PRIM2: variants seen among roughly 807,000 people sequenced by gnomAD.
PRIM2 encodes DNA primase large subunit.
In PRIM2, 39 loss-of-function variants were observed where a neutral mutation model predicts 67.3. That is an observed-to-expected ratio of 0.58 (90% CI 0.45 to 0.76). PRIM2 has a LOEUF of 0.76. Ranked by LOEUF, PRIM2 falls within the 30% of genes least tolerant of loss-of-function variation. The pLI is 0.00. For missense variants in PRIM2, 398 were observed against 598.7 expected, an observed-to-expected ratio of 0.66 and a Z score of 3.50; for synonymous variants, 143 against 198.7, an observed-to-expected ratio of 0.72 and a Z score of 2.36.
At chr6:57,559,477 G>T (rs1362017984) in intron 10 of PRIM2, among the ~76,000 whole-genome samples, 13 of 152,242 alleles carry the variant, frequency 8.5e-5, no homozygotes, top group Admixed American at 7.2e-4. Context: ...TCAGGTCAAG[G>T]TTCCATCTGA....
At chr6:57,609,430 G>T (rs1352922744) in intron 12 of PRIM2, among the ~76,000 whole-genome samples, 17 of 152,214 alleles carry the variant, frequency 1.1e-4, no homozygotes, top group Non-Finnish European at 2.1e-4. Flanking sequence ...TTATAGAAAA[G>T]GTTAGAAACT....
At chr6:57,555,685 C>T (rs1775500784) in intron 10 of PRIM2, among the ~76,000 whole-genome samples, 1 of 152,186 alleles carries the variant, frequency 6.6e-6, no homozygotes, top group African/African-American at 2.4e-5. Context: ...AGTGAGTTTA[C>T]TGCTAGGTAG....
the PRIM2 span, among the ~76,000 whole-genome samples, chr6:57,287,032 G>T: frequency 6.6e-6 from 1 of 152,206 alleles, no homozygotes; most frequent in Non-Finnish European, 1.5e-5. Flanking sequence ...GGCCATTAGA[G>T]AAATGCAAAT....
intron 7 of PRIM2, among the ~76,000 whole-genome samples, chr6:57,455,967 T>C (rs1276563926): frequency 9.9e-5 from 15 of 152,140 alleles, no homozygotes; most frequent in Admixed American, 9.8e-4. Context: ...AGGAGCTCTT[T>C]TAGGGCAGGC....
the PRIM2 span, among the ~76,000 whole-genome samples, chr6:57,262,620 C>G: frequency 6.6e-6 from 1 of 152,146 alleles, no homozygotes; most frequent in African/African-American, 2.4e-5. Context: ...GGTGTTGCCT[C>G]TTAGTGTTCC....
intron 12 of PRIM2, among the ~76,000 whole-genome samples, chr6:57,623,484 T>C (rs1776893928): frequency 1.3e-5 from 2 of 152,192 alleles, no homozygotes; most frequent in South Asian, 2.1e-4. Context: ...TCTGTTTATA[T>C]AGTTACACAT....
intron 7 of PRIM2, among the ~76,000 whole-genome samples, chr6:57,391,683 G>A (rs1187954827): frequency 1.3e-5 from 2 of 151,914 alleles, no homozygotes; most frequent in African/African-American, 4.8e-5. Context: ...AGGTGTGTGG[G>A]CTTATTGCTG....
chr6:57,420,970 A>C (rs951246228), intron 7 of PRIM2, among the ~76,000 whole-genome samples: 4 of 152,198 alleles, frequency 2.6e-5, no homozygotes, highest in African/African-American at 9.6e-5. Flanking sequence ...GGATTAGAGT[A>C]CTAAGGGTAG....
chr6:57,428,537 T>C, intron 7 of PRIM2, among the ~76,000 whole-genome samples: 1 of 152,206 alleles, frequency 6.6e-6, no homozygotes, highest in East Asian at 1.9e-4. Context: ...TCAAGTTTTC[T>C]CAAACCATTG....
chr6:57,334,370 A>G (rs1768153340), intron 5 of PRIM2, among the ~76,000 whole-genome samples: 1 of 152,192 alleles, frequency 6.6e-6, no homozygotes, highest in African/African-American at 2.4e-5. Flanking sequence ...TGCAGTAAAT[A>G]TGGGTGTGCA....
In PRIM2 at chr6:57,394,586, A is replaced by C. The variant is rs1437772550; in HGVS notation, c.693+12418A>C. On this transcript the variant is annotated intron_variant, in intron 7 of 13. Coordinates refer to ENST00000615550, the MANE Select transcript of PRIM2 (RefSeq NM_000947.5). ...TCTGGAGGAGTCCTTAGGGTTTCCA[A>C]GGTAAACGATCATAACGCCAGCAAA... Among the ~76,000 whole-genome samples, 3 of 152,104 alleles carry C rather than the reference A, an allele frequency of 2.0e-5. No individual in the cohort carries two copies. In the East Asian group the frequency reaches 5.8e-4, roughly 29 times the overall value.
chr6:57,275,218 G>C, the PRIM2 span, among the ~76,000 whole-genome samples: 1 of 152,156 alleles, frequency 6.6e-6, no homozygotes, highest in Non-Finnish European at 1.5e-5. Context: ...AGAGTTAAAA[G>C]TAGACTATGT....
At chr6:57,575,404 C>T (rs1444665525) in intron 10 of PRIM2, among the ~76,000 whole-genome samples, 6 of 152,130 alleles carry the variant, frequency 3.9e-5, no homozygotes, top group Admixed American at 1.3e-4. Context: ...TAATACATTG[C>T]GACAAGCTAT....
chr6:57,437,391 C>G (rs1178195185), intron 7 of PRIM2, among the ~76,000 whole-genome samples: 34 of 152,202 alleles, frequency 2.2e-4, no homozygotes, highest in Non-Finnish European at 4.7e-4. Context: ...TTTCTCCCTA[C>G]CTTTATTCAC....
chr6:57,332,074 A>G (rs1768073670), intron 5 of PRIM2, among the ~76,000 whole-genome samples: 1 of 151,584 alleles, frequency 6.6e-6, no homozygotes, highest in Non-Finnish European at 1.5e-5. Context: ...TCAGATGCAA[A>G]CCATGAGTTT....
chr6:57,531,362 C>G (rs1774885929), intron 8 of PRIM2, among the ~76,000 whole-genome samples: 1 of 152,178 alleles, frequency 6.6e-6, no homozygotes, highest in Admixed American at 6.5e-5. Context: ...CAGAGTCTTA[C>G]TCTGTTGCCC....
chr6:57,275,919 G>T, the PRIM2 span, among the ~76,000 whole-genome samples: 86 of 152,262 alleles, frequency 5.6e-4, no homozygotes, highest in South Asian at 6.2e-3. Flanking sequence ...TCAATTAGTA[G>T]CAAAATGAAT....
chr6:57,494,140 T>C (rs1366593154), intron 7 of PRIM2, among the ~76,000 whole-genome samples: 2 of 152,222 alleles, frequency 1.3e-5, no homozygotes, highest in Non-Finnish European at 2.9e-5. Flanking sequence ...CTTGATTTTA[T>C]GCCTTGGTAC....
intron 7 of PRIM2, among the ~76,000 whole-genome samples, chr6:57,461,263 G>A (rs1772994112): frequency 6.6e-6 from 1 of 152,154 alleles, no homozygotes; most frequent in Non-Finnish European, 1.5e-5. Flanking sequence ...GTTACTGGCT[G>A]TCTTGTTGTT....
Sources: allele counts gnomAD v4.1 joint callset (sites outside exome capture counted in the v4.1 genomes callset), GRCh38; gene constraint gnomAD v4.1.1; transcripts MANE v1.5; gene names NCBI Gene and HGNC (gene_info 2026-07-23, HGNC 2026-07-21).